The following RPH3A variants were observed in gnomAD, a reference collection of about 807,000 sequenced individuals.
The protein encoded by RPH3A is rabphilin-3A.
RPH3A carries 48 observed loss-of-function variants against 102.2 expected under a neutral mutation model. The ratio of observed to expected loss-of-function variants is 0.47; its 90% CI spans 0.37 to 0.60. RPH3A has a LOEUF of 0.60. Ranked by LOEUF, RPH3A falls within the 20% of genes least tolerant of loss-of-function variation. The pLI, the probability that RPH3A is intolerant of heterozygous loss-of-function variation, is 0.00. For synonymous variants in RPH3A, 310 were observed against 324.3 expected, an observed-to-expected ratio of 0.96 and a Z score of 0.47; for missense variants, 781 against 910.1, an observed-to-expected ratio of 0.86 and a Z score of 1.83.
intron 5 of RPH3A, among the ~76,000 whole-genome samples, chr12:112,849,982 T>A (rs1378143718): frequency 6.6e-6 from 1 of 152,192 alleles, no homozygotes; most frequent in Non-Finnish European, 1.5e-5. Flanking sequence ...AGATCCCAGC[T>A]TAAATGATCT....
chr12:112,825,312 G>A (rs535490208), intron 2 of RPH3A, among the ~76,000 whole-genome samples: 7 of 152,142 alleles, frequency 4.6e-5, no homozygotes, highest in East Asian at 3.9e-4. Context: ...TCTCTGCTAC[G>A]GGTCCAACCA....
chr12:112,641,325 C>T (rs1446940804), intron 1 of RPH3A, among the ~76,000 whole-genome samples: 3 of 152,150 alleles, frequency 2.0e-5, no homozygotes, highest in African/African-American at 7.2e-5. Flanking sequence ...CTTTAAGTGA[C>T]CTGGATCAGA....
chr12:112,695,587 C>T (rs1479630881), intron 1 of RPH3A, among the ~76,000 whole-genome samples: 1 of 152,218 alleles, frequency 6.6e-6, no homozygotes, highest in Non-Finnish European at 1.5e-5. Flanking sequence ...TGTTGCTTGG[C>T]TGTGTCTTTG....
rs143070760 is a variant in RPH3A at position 112,653,695 on chromosome 12, G to A, written c.-140+78376G>A. On this transcript the variant is annotated intron_variant, in intron 1 of 21. Coordinates refer to the RPH3A transcript ENST00000543106. ...GAAAGTTTGTTATATAGGCAAACTC[G>A]TGTCATGGGGGTTTGTTGTATTAGG... Among the ~76,000 whole-genome samples the A allele has an allele frequency of 1.0e-3, 154 of 152,232 alleles. 2 individuals are homozygous for A. The East Asian group carries it at 0.026, about 26-fold the overall frequency.
rs182931814 is a variant in RPH3A, at chr12:112,786,379, G to A, written c.-139-5764G>A. Among the ~76,000 whole-genome samples, 74 of 152,246 alleles carry A rather than the reference G, an allele frequency of 4.9e-4. 2 individuals are homozygous for A. Among genetic ancestry groups the A allele is most frequent in the Admixed American group, 4.3e-3 (66 of 15,292 alleles). On this transcript the variant is annotated intron_variant, in intron 1 of 21. Coordinates refer to the RPH3A transcript ENST00000543106. Reference sequence around the variant, plus strand: ...CAGCAATCCTTTCTCTCTCTGTCTCGTGTTCTTTCTCTTTCTCTTGCACGC... The same window carrying A: ...CAGCAATCCTTTCTCTCTCTGTCTCATGTTCTTTCTCTTTCTCTTGCACGC...
chr12:112,595,606 G>A lies in RPH3A; in HGVS notation c.-140+20287G>A, dbSNP rs566863408. Among the ~76,000 whole-genome samples the A allele has an allele frequency of 3.2e-4, 49 of 152,088 alleles. No homozygotes were observed. In the South Asian group the frequency reaches 7.3e-3, roughly 23 times the overall value. On this transcript the variant is annotated intron_variant, in intron 1 of 21. Coordinates refer to the RPH3A transcript ENST00000543106. Reference sequence around the variant, plus strand: ...GAAGTTCACCCACCCACGCAGGACCGTCATTCAACCCCACCCCCCTAACCA... The same window carrying A: ...GAAGTTCACCCACCCACGCAGGACCATCATTCAACCCCACCCCCCTAACCA...
chr12:112,863,935 G>A (rs535716727), intron 5 of RPH3A, among the ~76,000 whole-genome samples: 84 of 152,336 alleles, frequency 5.5e-4, no homozygotes, highest in African/African-American at 2.0e-3. Flanking sequence ...CACTGATCCA[G>A]CACTGGGCAC....
chr12:112,727,125 A>AC (rs1490279878), intron 1 of RPH3A, among the ~76,000 whole-genome samples: 1 of 152,120 alleles, frequency 6.6e-6, no homozygotes, highest in African/African-American at 2.4e-5. Context: ...ATCAGCGTTC[A>AC]CCTATTATCT....
chr12:112,835,958 G>A (rs2042041988), intron 3 of RPH3A, among the ~76,000 whole-genome samples: 1 of 152,214 alleles, frequency 6.6e-6, no homozygotes. Flanking sequence ...GCCAGAGAGT[G>A]CCAGACATGG....
intron 1 of RPH3A, among the ~76,000 whole-genome samples, chr12:112,784,960 C>A (rs377105842): frequency 8.5e-5 from 13 of 152,320 alleles, no homozygotes; most frequent in African/African-American, 3.1e-4. Context: ...TGGTGGCTCA[C>A]GCCTATAATC....
At chr12:112,628,404 A>G (rs1256401415) in intron 1 of RPH3A, among the ~76,000 whole-genome samples, 2 of 151,480 alleles carry the variant, frequency 1.3e-5, no homozygotes, top group African/African-American at 4.9e-5. Context: ...GCAGATTGGG[A>G]AGAGCCTTGG....
chr12:112,858,618 C>A (rs2042454422), intron 5 of RPH3A, among the ~76,000 whole-genome samples: 1 of 152,198 alleles, frequency 6.6e-6, no homozygotes, highest in Non-Finnish European at 1.5e-5. Flanking sequence ...ATTTTTTAAA[C>A]AATGTCCGAT....
chr12:112,730,894 G>C (rs1245137248), intron 1 of RPH3A, among the ~76,000 whole-genome samples: 6 of 152,140 alleles, frequency 3.9e-5, no homozygotes, highest in Non-Finnish European at 8.8e-5. Flanking sequence ...TTCCAGGGCT[G>C]GCTTATAGGG....
chr12:112,618,486 T>TCG (rs2135978728), intron 1 of RPH3A, among the ~76,000 whole-genome samples: 1 of 152,302 alleles, frequency 6.6e-6, no homozygotes, highest in Admixed American at 6.5e-5. Context: ...TGGGCAGGTC[T>TCG]GAGGCTCCCA....
intron 3 of RPH3A, 107 bp from the exon 4 acceptor site, chr12:112,836,384 T>C: frequency 1.9e-6 from 1 of 538,786 alleles, no homozygotes. Flanking sequence ...TAGGTCATCA[T>C]AATTCAAGCT....
intron 1 of RPH3A, among the ~76,000 whole-genome samples, chr12:112,762,579 A>C (rs11066404): frequency 0.083 from 12,676 of 152,260 alleles, 1,396 homozygotes; most frequent in African/African-American, 0.25. Flanking sequence ...TGAAGCAGAA[A>C]AAAATGTCTA....
At chr12:112,809,935 A>G (rs2041539895) in intron 2 of RPH3A, among the ~76,000 whole-genome samples, 1 of 152,066 alleles carries the variant, frequency 6.6e-6, no homozygotes, top group African/African-American at 2.4e-5. Context: ...GACCCTAACC[A>G]CAATGCCTCC....
intron 19 of RPH3A, 49 bp downstream of exon 19, chr12:112,891,052 G>A (rs1308701886): frequency 5.6e-6 from 9 of 1,602,732 alleles, no homozygotes; most frequent in Non-Finnish European, 7.7e-6. Flanking sequence ...GAGTCCTGGA[G>A]CCTTGGAAAA....
chr12:112,821,269 C>G (rs2041773603), intron 2 of RPH3A, among the ~76,000 whole-genome samples: 1 of 152,218 alleles, frequency 6.6e-6, no homozygotes, highest in Non-Finnish European at 1.5e-5. Context: ...GAAATCCCAA[C>G]AGCCTGGAAA....
Sources: gnomAD v4.1 joint callset for allele counts (sites outside exome capture counted in the v4.1 genomes callset) on GRCh38, gnomAD v4.1.1 for gene constraint, MANE v1.5 for transcripts, NCBI Gene and HGNC (gene_info 2026-07-23, HGNC 2026-07-21) for gene names.